BRINP1: variants seen among roughly 807,000 people sequenced by gnomAD.
BRINP1 encodes the protein BMP/retinoic acid-inducible neural-specific protein 1.
Under a neutral mutation model 72.9 loss-of-function variants are expected in BRINP1, and 17 were observed. The ratio of observed to expected loss-of-function variants is 0.23; its 90% CI spans 0.16 to 0.35. BRINP1 has a LOEUF of 0.35. BRINP1 is among the 10% of genes least tolerant of loss of function. The probability of loss-of-function intolerance (pLI) is 1.00; values close to 1 mark genes in which losing one functional copy is unlikely to be tolerated. For missense variants in BRINP1, 850 were observed against 1,001.6 expected (o/e 0.85, Z 2.04); for synonymous variants, 418 against 378.5 (o/e 1.10, Z -1.21).
At chr9:119,207,183 T>C (rs1191873323) in intron 7 of BRINP1, among the ~76,000 whole-genome samples, 1 of 151,886 alleles carries the variant, frequency 6.6e-6, no homozygotes, top group Admixed American at 6.6e-5. Context: ...ATGGAGGGAA[T>C]AGCAGCATTA....
In BRINP1 at chr9:119,283,240, T is replaced by C. The variant is rs487545; in HGVS notation, c.218+29898A>G. ...TCCTCATCGTCCCTGGAACTGCAGC[T>C]TCAGCTGCCTCAGCATCACCTGGCA... On this transcript the variant is annotated intron_variant, in intron 2 of 7. Transcript: ENST00000265922. 971 of 940,672 alleles carry C rather than the reference T, an allele frequency of 1.0e-3. 3 individuals are homozygous for C. The highest frequency in any genetic ancestry group is 6.7e-3 in the African/African-American group (379 of 56,306). 58.3% of individuals were successfully genotyped at this position (940,672 alleles called of 1,614,324 possible).
chr9:119,300,626 T>C (rs573100085), intron 2 of BRINP1, among the ~76,000 whole-genome samples: 1 of 152,304 alleles, frequency 6.6e-6, no homozygotes, highest in African/African-American at 2.4e-5. Context: ...TGAACATAAA[T>C]AAAACTTCAT....
At position 119,181,467 on chromosome 9, in the gene BRINP1, A is replaced by G. The variant is rs181842971; in HGVS notation, c.1146-13243T>C. On this transcript the variant is annotated intron_variant, in intron 7 of 7. Transcript: ENST00000265922. ...TCACCTGACCTCTTTGACCTTCAGT[A>G]TTCTTATCTGTCAAATGGGGAAGGT... Among the ~76,000 whole-genome samples, 716 of 152,278 alleles carry G rather than the reference A, an allele frequency of 4.7e-3. 7 individuals carry two copies. The highest frequency in any genetic ancestry group is 5.5e-3 in the Non-Finnish European group (377 of 68,008).
chr9:119,317,253 AGTCAAAAT>A (rs1831134445), intron 1 of BRINP1, among the ~76,000 whole-genome samples: 1 of 152,186 alleles, frequency 6.6e-6, no homozygotes, highest in African/African-American at 2.4e-5. Context: ...CATGGGAAGA[AGTCAAAAT>A]ATCAACGGTA....
At chr9:119,349,952 C>T (rs554617717) in intron 1 of BRINP1, among the ~76,000 whole-genome samples, 2 of 152,328 alleles carry the variant, frequency 1.3e-5, no homozygotes, top group Admixed American at 1.3e-4. Context: ...CCAGCATTTG[C>T]TTCCTTTTTC....
chr9:119,357,197 T>C (rs1483415416), intron 1 of BRINP1, among the ~76,000 whole-genome samples: 2 of 152,240 alleles, frequency 1.3e-5, no homozygotes, highest in African/African-American at 2.4e-5. Context: ...GCTGCTCTTC[T>C]ACCTGTTCTC....
At chr9:119,367,221 G>GATATATATATATATATATAT (rs6151155) in intron 1 of BRINP1, among the ~76,000 whole-genome samples, 2,193 of 99,510 alleles carry the variant, frequency 0.022, 90 homozygotes, top group Admixed American at 0.031. Flanking sequence ...GTGTGTGATT[G>GATATATATATATATATATAT]ATATATATAT....
intron 7 of BRINP1, among the ~76,000 whole-genome samples, chr9:119,177,155 G>GTTAGT (rs1829498763): frequency 6.6e-6 from 1 of 152,052 alleles, no homozygotes; most frequent in South Asian, 2.1e-4. Context: ...TATTTTTCTT[G>GTTAGT]TTAGTTTTCA....
At chr9:119,191,388 C>T (rs1829682089) in intron 7 of BRINP1, among the ~76,000 whole-genome samples, 1 of 151,656 alleles carries the variant, frequency 6.6e-6, no homozygotes, top group Non-Finnish European at 1.5e-5. Context: ...CAGAAAACCC[C>T]AAAGATCCCC....
At chr9:119,280,163 T>C (rs1194904946) in intron 2 of BRINP1, among the ~76,000 whole-genome samples, 1 of 152,162 alleles carries the variant, frequency 6.6e-6, no homozygotes, top group African/African-American at 2.4e-5. Flanking sequence ...ATGTTAGATA[T>C]ATGGATGTAC....
intron 2 of BRINP1, among the ~76,000 whole-genome samples, chr9:119,296,728 A>C (rs1830883300): frequency 6.6e-6 from 1 of 152,234 alleles, no homozygotes; most frequent in Non-Finnish European, 1.5e-5. Flanking sequence ...ATGGGCCTGG[A>C]GGACATTATG....
intron 7 of BRINP1, among the ~76,000 whole-genome samples, chr9:119,177,246 C>G (rs1055933625): frequency 2.0e-5 from 3 of 152,166 alleles, no homozygotes; most frequent in Non-Finnish European, 4.4e-5. Context: ...CCACACAGCT[C>G]CAGGCCTCCC....
chr9:119,264,764 G>A (rs567813659), intron 2 of BRINP1, among the ~76,000 whole-genome samples: 8 of 152,236 alleles, frequency 5.3e-5, no homozygotes, highest in African/African-American at 1.7e-4. Context: ...TCCGCCTCCC[G>A]GGTTCAAACA....
intron 1 of BRINP1, among the ~76,000 whole-genome samples, chr9:119,324,821 C>T (rs1051459523): frequency 3.3e-5 from 5 of 152,088 alleles, no homozygotes; most frequent in East Asian, 3.9e-4. Flanking sequence ...TTGGAATGGC[C>T]GGGCACAGTG....
chr9:119,260,679 G>A (rs1156624582), intron 2 of BRINP1, among the ~76,000 whole-genome samples: 3 of 152,150 alleles, frequency 2.0e-5, no homozygotes, highest in Non-Finnish European at 2.9e-5. Context: ...TAACACACTC[G>A]TTATTTAAAT....
At chr9:119,242,504 T>C (rs1830263561) in intron 3 of BRINP1, among the ~76,000 whole-genome samples, 1 of 152,140 alleles carries the variant, frequency 6.6e-6, no homozygotes, top group South Asian at 2.1e-4. Flanking sequence ...AAAACCCTCT[T>C]CCCCTCTTCC....
chr9:119,242,594 C>T (rs1372341526), intron 3 of BRINP1, among the ~76,000 whole-genome samples: 3 of 152,010 alleles, frequency 2.0e-5, no homozygotes, highest in Non-Finnish European at 4.4e-5. Context: ...CCTCCTTTGT[C>T]TCCTCATTAT....
intron 7 of BRINP1, among the ~76,000 whole-genome samples, chr9:119,192,400 GAAA>G: frequency 1.3e-5 from 2 of 151,828 alleles, no homozygotes; most frequent in South Asian, 4.1e-4. Flanking sequence ...CTCAATAGCA[GAAA>G]AACAAACAAC....
intron 1 of BRINP1, among the ~76,000 whole-genome samples, chr9:119,361,227 AG>A (rs1484537340): frequency 6.6e-6 from 1 of 152,128 alleles, no homozygotes; most frequent in African/African-American, 2.4e-5. Flanking sequence ...CAGGAGACAA[AG>A]ATCCCCTTCA....
Sources: gnomAD v4.1 joint callset for allele counts (sites outside exome capture counted in the v4.1 genomes callset) on GRCh38, gnomAD v4.1.1 for gene constraint, MANE v1.5 for transcripts, NCBI Gene and HGNC (gene_info 2026-07-23, HGNC 2026-07-21) for gene names.